Variants in LAMA1 observed in about 807,000 individuals in gnomAD.
LAMA1 encodes the protein laminin subunit alpha 1, also known as laminin subunit alpha-1.
In LAMA1, 219 loss-of-function variants were observed where a neutral mutation model predicts 348.7. The ratio of observed to expected loss-of-function variants is 0.63; its 90% CI spans 0.56 to 0.70. The LOEUF (loss-of-function observed/expected upper bound fraction) is 0.70. LAMA1 is among the 30% of genes least tolerant of loss of function. The probability of loss-of-function intolerance (pLI) is 0.00; values close to 1 mark genes in which losing one functional copy is unlikely to be tolerated. For synonymous variants in LAMA1, 1,487 were observed against 1,491.0 expected (o/e 1.00, Z 0.06); for missense variants, 3,744 against 3,888.0 (o/e 0.96, Z 0.99).
Position 7,098,950 on chromosome 18 carries a change from A to G in LAMA1, c.62-18493T>C, listed in dbSNP as rs1279742417. ...TGAGGAGCCCCTCTGCCCGGCCACC[A>G]CCCCGTCTGGGAGGTGTACTCAACA... is the stretch of plus-strand genomic sequence containing the variant. On this transcript the variant is annotated intron_variant, in intron 1 of 62. Coordinates refer to ENST00000389658, the MANE Select transcript of LAMA1 (RefSeq NM_005559.4). Among the ~76,000 whole-genome samples, 589 of 150,486 alleles carry G rather than the reference A, an allele frequency of 3.9e-3. 4 individuals carry two copies. The highest frequency in any genetic ancestry group is 8.7e-3 in the East Asian group (44 of 5,066).
At chr18:7,083,421 AG>A (rs1412909395) in intron 1 of LAMA1, among the ~76,000 whole-genome samples, 4 of 151,892 alleles carry the variant, frequency 2.6e-5, no homozygotes, top group African/African-American at 9.7e-5. Context: ...TCTGACCTCA[AG>A]TGCTCCACTC....
intron 1 of LAMA1, among the ~76,000 whole-genome samples, chr18:7,098,877 C>G (rs1033883506): frequency 7.0e-6 from 1 of 143,360 alleles, no homozygotes; most frequent in Non-Finnish European, 1.5e-5. Context: ...CCAGCCGCCC[C>G]GTCCGGGAGG....
chr18:7,009,320 C>T lies in LAMA1; in HGVS notation c.3920G>A (p.Arg1307Gln), dbSNP rs574069798. 1.5e-5 allele frequency: 24 copies of T among 1,613,896 alleles called. No homozygotes were observed. Among genetic ancestry groups the T allele is most frequent in the East Asian group, 6.7e-5 (3 of 44,878 alleles). Residue 1307 changes from arginine (R) to glutamine (Q), a missense_variant, in exon 27 of 63, where the codon CGA (arginine) becomes CAA (glutamine). Coordinates refer to ENST00000389658, the MANE Select transcript of LAMA1 (RefSeq NM_005559.4). ...FNSVSEKPVTREDFMSVLSDI... is the reference protein window; with the variant it reads ...FNSVSEKPVTQEDFMSVLSDI... ...GCTGAGGACAGACATAAAATCCTCT[C>T]GCGTGACAGGTTTTTCAGAAACAGA...
intron 23 of LAMA1, among the ~76,000 whole-genome samples, chr18:7,013,102 A>C (rs558072417): frequency 6.6e-6 from 1 of 151,948 alleles, no homozygotes; most frequent in African/African-American, 2.4e-5. Context: ...CGGAGGTTGC[A>C]GTGAGCCGAG....
chr18:7,048,755 G>A (rs1203791226), intron 5 of LAMA1, among the ~76,000 whole-genome samples: 1 of 152,080 alleles, frequency 6.6e-6, no homozygotes, highest in African/African-American at 2.4e-5. Flanking sequence ...AATTTGATAT[G>A]AAAGAAAATT....
At chr18:7,083,289 G>A (rs757872941) in intron 1 of LAMA1, among the ~76,000 whole-genome samples, 57 of 150,838 alleles carry the variant, frequency 3.8e-4, no homozygotes, top group Non-Finnish European at 6.6e-4. Context: ...GGGTTCAAGC[G>A]ATTCTCCTGC....
intron 57 of LAMA1, 119 bp downstream of exon 57, chr18:6,955,234 A>T: frequency 1.2e-6 from 1 of 803,748 alleles, no homozygotes; most frequent in Non-Finnish European, 2.1e-6. Context: ...TTTGGTTGCA[A>T]ATCAAGCACT....
intron 56 of LAMA1, 134 bp downstream of exon 56, chr18:6,956,502 A>G: frequency 7.0e-7 from 1 of 1,436,116 alleles, no homozygotes; most frequent in Non-Finnish European, 9.7e-7. Context: ...TCTGATTTTT[A>G]GCACAGCTCC....
Position 6,949,374 on chromosome 18 carries a change from C to T in LAMA1, c.8398-115G>A, listed in dbSNP as rs1018740510. 2.9e-6 allele frequency: 3 copies of T among 1,040,698 alleles called. No homozygotes were observed. In the Admixed American group the frequency reaches 5.7e-5, roughly 20 times the overall value. The allele number at this position is 1,040,698 out of a possible 1,614,324, so 64.5% of individuals were successfully genotyped here. On this transcript the variant is annotated intron_variant, in intron 58 of 62. Coordinates refer to ENST00000389658, the MANE Select transcript of LAMA1 (RefSeq NM_005559.4). ...TCTGAGAGCTATAACAACCTGAATG[C>T]AATGCTAAAGGAAGGTTCAAATTTT... is the stretch of plus-strand genomic sequence containing the variant.
chr18:7,101,058 T>A (rs1015246172), intron 1 of LAMA1, among the ~76,000 whole-genome samples: 1 of 152,152 alleles, frequency 6.6e-6, no homozygotes, highest in African/African-American at 2.4e-5. Context: ...TGACTCCATG[T>A]ATATGAAATT....
At chr18:6,992,085 A>C (rs1383945894) in intron 36 of LAMA1, among the ~76,000 whole-genome samples, 2 of 152,240 alleles carry the variant, frequency 1.3e-5, no homozygotes, top group Admixed American at 6.5e-5. Context: ...GTATGTAAGA[A>C]TGCTTTGTGA....
chr18:6,992,457 T>C, intron 36 of LAMA1, 104 bp downstream of exon 36: 1 of 1,290,212 alleles, frequency 7.8e-7, no homozygotes. Context: ...ATATTTCATT[T>C]CCAGTGAGCA....
intron 1 of LAMA1, among the ~76,000 whole-genome samples, chr18:7,087,075 G>C (rs920571864): frequency 3.3e-5 from 5 of 152,158 alleles, no homozygotes; most frequent in African/African-American, 9.7e-5. Context: ...TTGCTTCTTT[G>C]TGCGTCGGAC....
rs2057499763 is a variant in LAMA1 at position 6,941,805 on chromosome 18, C to G, written c.*274G>C. ...AGCTCAAAATGAAAAACATAAAATA[C>G]TATCAAGTAATCAACAGAACATTCA... On this transcript the variant is annotated 3_prime_UTR_variant, in exon 63 of 63. Transcript: ENST00000389658. The G allele has an allele frequency of 2.3e-6, 1 of 429,648 alleles. No individual in the cohort carries two copies. Among genetic ancestry groups the G allele is most frequent in the African/African-American group, 2.0e-5 (1 of 49,910 alleles). The allele number at this position is 429,648 out of a possible 1,614,324, so 26.6% of individuals were successfully genotyped here.
At chr18:7,040,663 C>T (rs1037764798) in intron 9 of LAMA1, among the ~76,000 whole-genome samples, 4 of 152,062 alleles carry the variant, frequency 2.6e-5, no homozygotes, top group African/African-American at 9.7e-5. Context: ...AAGTAAACAC[C>T]CAATAAAATA....
intron 42 of LAMA1, among the ~76,000 whole-genome samples, chr18:6,979,637 C>T (rs940631164): frequency 5.3e-5 from 8 of 152,230 alleles, no homozygotes; most frequent in South Asian, 2.1e-4. Flanking sequence ...CGGTGGCTCA[C>T]GCCTGTAATC....
At chr18:6,960,623 A>T (rs2057602441) in intron 53 of LAMA1, 1 of 150,476 alleles carries the variant, frequency 6.6e-6, no homozygotes, top group Non-Finnish European at 1.5e-5. Flanking sequence ...ACGCTGCTGA[A>T]TTGTTCACTA....
chr18:6,977,762 G>A lies in LAMA1; in HGVS notation c.6310C>T (p.Leu2104=). ...NLSRNLSEIK[L]LISQARKQAA... The stretch of plus-strand genomic sequence containing the variant: ...TGTTTGCGGGCCTGGCTGATCAACA[G>A]TTTAATTTCTGATAGGTTTCTGCTC... The change falls in exon 44 of 63, where the codon CTG becomes TTG. Residue 2104 remains leucine (L), a synonymous_variant. Transcript: ENST00000389658. 2 of 1,614,138 alleles carry A rather than the reference G, an allele frequency of 1.2e-6. No homozygotes were observed. Among genetic ancestry groups the A allele is most frequent in the Non-Finnish European group, 1.7e-6 (2 of 1,180,024 alleles).
At chr18:6,971,038 C>A (rs893552723) in intron 48 of LAMA1, among the ~76,000 whole-genome samples, 3 of 152,188 alleles carry the variant, frequency 2.0e-5, no homozygotes, top group Non-Finnish European at 4.4e-5. Flanking sequence ...TTTAACTGAT[C>A]TTGTCACTGG....
Sources: gnomAD v4.1 joint callset for allele counts (sites outside exome capture counted in the v4.1 genomes callset) on GRCh38, gnomAD v4.1.1 for gene constraint, MANE v1.5 for transcripts, NCBI Gene and HGNC (gene_info 2026-07-23, HGNC 2026-07-21) for gene names.